The following HMGCLL1 variants were observed in gnomAD, a reference collection of about 807,000 sequenced individuals.
HMGCLL1 encodes 3-hydroxy-3-methylglutaryl-CoA lyase like 1, also known as 3-hydroxymethyl-3-methylglutaryl-CoA lyase, cytoplasmic.
Under a neutral mutation model 39.1 loss-of-function variants are expected in HMGCLL1, and 36 were observed. That is an observed-to-expected ratio of 0.92 (90% CI 0.71 to 1.22). The LOEUF is 1.22. HMGCLL1 is among the 50% of genes most tolerant of loss of function. HMGCLL1 has a pLI of 0.00. For missense variants in HMGCLL1, 451 were observed against 416.5 expected, an observed-to-expected ratio of 1.08 and a Z score of -0.72; for synonymous variants, 149 against 144.0, an observed-to-expected ratio of 1.03 and a Z score of -0.25.
intron 1 of HMGCLL1, among the ~76,000 whole-genome samples, chr6:55,574,912 A>T (rs1771689124): frequency 6.6e-6 from 1 of 152,038 alleles, no homozygotes; most frequent in Non-Finnish European, 1.5e-5. Flanking sequence ...ATAACTATAA[A>T]TTTAATCTCA....
the HMGCLL1 span, among the ~76,000 whole-genome samples, chr6:55,610,464 G>A: frequency 3.3e-5 from 5 of 151,838 alleles, no homozygotes; most frequent in East Asian, 3.9e-4. Context: ...CTGAAATAAG[G>A]CAGGCAGACA....
the HMGCLL1 span, among the ~76,000 whole-genome samples, chr6:55,601,259 T>C: frequency 6.6e-6 from 1 of 152,114 alleles, no homozygotes; most frequent in African/African-American, 2.4e-5. Context: ...TTTTCCAGCA[T>C]CTACAGTCAG....
At position 55,434,941 on chromosome 6, in the gene HMGCLL1, A is replaced by G. The variant is rs1454991035; in HGVS notation, c.*721T>C. The G allele has an allele frequency of 6.6e-6, 1 of 152,218 alleles. No homozygotes were observed. The highest frequency in any genetic ancestry group is 2.4e-5 in the African/African-American group (1 of 41,424). 9.4% of individuals were successfully genotyped at this position (152,218 alleles called of 1,614,324 possible). The stretch of plus-strand genomic sequence containing the variant: ...AAAAAAAATAGCTTACAATTTCTCA[A>G]TAGTTGAGTAACACCATGCTGGTTT... On this transcript the variant is annotated 3_prime_UTR_variant, in exon 9 of 9. Transcript: ENST00000274901.
chr6:55,542,964 TAA>T (rs1769557095), intron 1 of HMGCLL1, among the ~76,000 whole-genome samples: 1 of 117,118 alleles, frequency 8.5e-6, no homozygotes, highest in Non-Finnish European at 1.6e-5. Context: ...AAATAATATA[TAA>T]TATATATTAT....
the HMGCLL1 span, among the ~76,000 whole-genome samples, chr6:55,658,404 AACATCCTCC>A: frequency 2.0e-5 from 3 of 151,960 alleles, no homozygotes; most frequent in Non-Finnish European, 4.4e-5. Context: ...AACCTGAAAC[AACATCCTCC>A]ACCCCCAACC....
At chr6:55,574,409 G>T (rs1278519681) in intron 1 of HMGCLL1, among the ~76,000 whole-genome samples, 1 of 151,306 alleles carries the variant, frequency 6.6e-6, no homozygotes, top group African/African-American at 2.4e-5. Flanking sequence ...AGAAAATGAA[G>T]TTAAAGAGTC....
intron 6 of HMGCLL1, among the ~76,000 whole-genome samples, chr6:55,498,830 A>G (rs1317152824): frequency 6.6e-6 from 1 of 152,140 alleles, no homozygotes; most frequent in Admixed American, 6.6e-5. Flanking sequence ...ATATTCTGAT[A>G]TAACGGGCCA....
the HMGCLL1 span, among the ~76,000 whole-genome samples, chr6:55,590,127 G>T: frequency 1.6e-4 from 25 of 152,134 alleles, no homozygotes; most frequent in African/African-American, 5.6e-4. Flanking sequence ...AAAGCTGGAG[G>T]CATCATGCTC....
At chr6:55,452,720 C>T (rs1764154820) in intron 7 of HMGCLL1, among the ~76,000 whole-genome samples, 1 of 152,120 alleles carries the variant, frequency 6.6e-6, no homozygotes, top group African/African-American at 2.4e-5. Context: ...CATAATTTCT[C>T]CAAGAAGTTT....
the HMGCLL1 span, among the ~76,000 whole-genome samples, chr6:55,635,079 T>A: frequency 6.6e-6 from 1 of 152,084 alleles, no homozygotes; most frequent in East Asian, 1.9e-4. Flanking sequence ...AGAACTATAT[T>A]GTCTGGACAG....
chr6:55,674,992 A>G, the HMGCLL1 span, among the ~76,000 whole-genome samples: 1 of 152,148 alleles, frequency 6.6e-6, no homozygotes, highest in African/African-American at 2.4e-5. Flanking sequence ...AAACAATTTC[A>G]TAAAAGACAA....
At chr6:55,666,850 T>C in the HMGCLL1 span, among the ~76,000 whole-genome samples, 1 of 151,626 alleles carries the variant, frequency 6.6e-6, no homozygotes, top group Non-Finnish European at 1.5e-5. Context: ...TAACCAGACA[T>C]GGGAGGAGAG....
the HMGCLL1 span, among the ~76,000 whole-genome samples, chr6:55,666,157 C>T: frequency 8.6e-5 from 13 of 151,716 alleles, no homozygotes; most frequent in East Asian, 7.8e-4. Flanking sequence ...CTGAATCAAG[C>T]GTGGACAAGA....
chr6:55,553,161 A>C (rs544361123), intron 1 of HMGCLL1, among the ~76,000 whole-genome samples: 10,644 of 91,536 alleles, frequency 0.12, 506 homozygotes, highest in African/African-American at 0.23. Flanking sequence ...CTCTCTCTCT[A>C]TATATATATA....
chr6:55,492,714 C>A (rs1228214454), intron 7 of HMGCLL1, among the ~76,000 whole-genome samples: 1 of 152,304 alleles, frequency 6.6e-6, no homozygotes, highest in East Asian at 1.9e-4. Flanking sequence ...ATCATGCAAA[C>A]CACTTTTACT....
At chr6:55,463,640 T>G (rs1764679296) in intron 7 of HMGCLL1, among the ~76,000 whole-genome samples, 1 of 152,206 alleles carries the variant, frequency 6.6e-6, no homozygotes, top group Admixed American at 6.5e-5. Flanking sequence ...TGCAGACATT[T>G]ACATATTTGA....
At chr6:55,660,176 A>G in the HMGCLL1 span, among the ~76,000 whole-genome samples, 1 of 151,784 alleles carries the variant, frequency 6.6e-6, no homozygotes, top group African/African-American at 2.4e-5. Context: ...GACTCTGTCT[A>G]TGGTTTCAGA....
chr6:55,531,466 T>C (rs1768666703), intron 3 of HMGCLL1, among the ~76,000 whole-genome samples: 1 of 152,130 alleles, frequency 6.6e-6, no homozygotes, highest in Non-Finnish European at 1.5e-5. Flanking sequence ...GATACAAAAG[T>C]GGAATTTTAA....
chr6:55,589,556 A>G, the HMGCLL1 span, among the ~76,000 whole-genome samples: 1 of 152,204 alleles, frequency 6.6e-6, no homozygotes, highest in African/African-American at 2.4e-5. Flanking sequence ...GGCCAGGGCA[A>G]TTAGGCAGGG....
Sources: allele counts gnomAD v4.1 joint callset (sites outside exome capture counted in the v4.1 genomes callset), GRCh38; gene constraint gnomAD v4.1.1; transcripts MANE v1.5; gene names NCBI Gene and HGNC (gene_info 2026-07-23, HGNC 2026-07-21).